The following DDX50 variants were observed in gnomAD, a reference collection of about 807,000 sequenced individuals.
DDX50 encodes DExD-box helicase 50.
A neutral mutation model predicts 94.8 loss-of-function variants in DDX50; 56 were observed. The observed-to-expected ratio is 0.59, with a 90% CI of 0.48 to 0.74. The LOEUF (loss-of-function observed/expected upper bound fraction) is 0.74, where lower values mean the gene tolerates loss of function less well. Among genes scored for constraint, DDX50 ranks in the 30% least tolerant of loss-of-function variants. DDX50 has a pLI of 0.00. For missense variants in DDX50, 713 were observed against 881.2 expected, an observed-to-expected ratio of 0.81 and a Z score of 2.42; for synonymous variants, 264 against 295.4, an observed-to-expected ratio of 0.89 and a Z score of 1.09.
At chr10:68,945,186 C>CT (rs985956524) in intron 14 of DDX50, among the ~76,000 whole-genome samples, 26 of 150,890 alleles carry the variant, frequency 1.7e-4, no homozygotes, top group Admixed American at 2.0e-4. Context: ...AGGTTTGTGC[C>CT]TTTTTTTTTA....
At chr10:68,920,006 C>A in intron 8 of DDX50, 25 bp downstream of exon 8, 1 of 1,612,320 alleles carries the variant, frequency 6.2e-7, no homozygotes, top group South Asian at 1.1e-5. Flanking sequence ...CATGCTTTCT[C>A]TAATTGAAAT....
At chr10:68,936,783 G>A (rs1842432023) in intron 11 of DDX50, among the ~76,000 whole-genome samples, 153 bp from the exon 12 acceptor site, 2 of 151,688 alleles carry the variant, frequency 1.3e-5, no homozygotes, top group South Asian at 4.2e-4. Flanking sequence ...TGAGGCTGCA[G>A]TGAGCCAAGA....
intron 1 of DDX50, among the ~76,000 whole-genome samples, chr10:68,904,491 T>TA (rs1363977218): frequency 6.6e-6 from 1 of 152,162 alleles, no homozygotes; most frequent in Non-Finnish European, 1.5e-5. Context: ...AGAGAACAGA[T>TA]ACTCAAGGAG....
intron 7 of DDX50, among the ~76,000 whole-genome samples, chr10:68,917,593 T>G (rs956895186): frequency 1.3e-5 from 2 of 152,154 alleles, no homozygotes; most frequent in East Asian, 3.8e-4. Flanking sequence ...GTTTTCTTGT[T>G]TGTTCGTGTT....
rs187832344 is a variant in DDX50, at chr10:68,925,253, G to A, written c.1239+5272G>A. 5.5e-3 allele frequency among the ~76,000 whole-genome samples: 841 copies of A among 151,662 alleles called. 14 individuals are homozygous for A. The highest frequency in any genetic ancestry group is 0.019 in the African/African-American group (791 of 41,376). ...CAAGTAGCTGGGATGGCAGGCATGC[G>A]CCACCATGCCCAACTAATTTTTTTT... On this transcript the variant is annotated intron_variant, in intron 8 of 14. Transcript: ENST00000373585.
At position 68,936,855 on chromosome 10, in the gene DDX50, A is replaced by G. The variant is rs1021463143; in HGVS notation, c.1596-81A>G. 40 of 1,349,532 alleles carry G rather than the reference A, an allele frequency of 3.0e-5. No individual in the cohort carries two copies. The Admixed American group carries it at 7.9e-4, about 26-fold the overall frequency. The allele number at this position is 1,349,532 out of a possible 1,614,324, so 83.6% of individuals were successfully genotyped here. On this transcript the variant is annotated intron_variant, in intron 11 of 14. Transcript: ENST00000373585. Reference sequence around the variant, plus strand: ...GGCTCTATCTCAAAAAAAAAAAATTACTCCTTCTTTTTCCCATTTTTCTTC... The same window carrying G: ...GGCTCTATCTCAAAAAAAAAAAATTGCTCCTTCTTTTTCCCATTTTTCTTC...
rs752888119 is a variant in DDX50 at position 68,925,094 on chromosome 10, G to GTTTT, written c.1239+5113_1239+5114insTTTT. On this transcript the variant is annotated intron_variant, in intron 8 of 14. Transcript: ENST00000373585. ...ACAAGAATTATCCTTCCCTGCTCAT[G>GTTTT]GTTTTTTTTTTTTTTTTTTTTTTTT... Among the ~76,000 whole-genome samples the GTTTT allele has an allele frequency of 1.8e-3, 164 of 88,988 alleles. 7 individuals are homozygous for GTTTT. The highest frequency in any genetic ancestry group is 6.1e-3 in the African/African-American group (154 of 25,244). 58.4% of individuals were successfully genotyped at this position (88,988 alleles called of 152,430 possible).
intron 8 of DDX50, among the ~76,000 whole-genome samples, chr10:68,930,674 G>A (rs553056992): frequency 2.0e-5 from 3 of 152,068 alleles, no homozygotes; most frequent in East Asian, 3.9e-4. Context: ...TTGGGGGTGG[G>A]GAGACAGGGT....
Position 68,936,936 on chromosome 10 carries a change from G to A in DDX50, c.1596G>A (p.Arg532=). The change falls in exon 12 of 15, where the codon AGG becomes AGA. Residue 532 remains arginine (R), a splice_region_variant and synonymous_variant. Coordinates refer to ENST00000373585, the MANE Select transcript of DDX50 (RefSeq NM_024045.2). ...LVKSKSMDAI[R]SLASVSYAAV... is the part of the protein sequence containing the mutation. ...CAAGAATACTATTTTTAAACCATAG[G>A]TCTCTGGCTTCCGTTTCTTACGCTG... 3 of 1,595,124 alleles carry A rather than the reference G, an allele frequency of 1.9e-6. No individual in the cohort carries two copies. The highest frequency in any genetic ancestry group is 1.3e-5 in the African/African-American group (1 of 74,258).
At chr10:68,917,635 C>A (rs116930700) in intron 7 of DDX50, among the ~76,000 whole-genome samples, 1 of 152,148 alleles carries the variant, frequency 6.6e-6, no homozygotes. Flanking sequence ...GAGTCTTGCT[C>A]TGTCGCCCCG....
intron 7 of DDX50, among the ~76,000 whole-genome samples, chr10:68,919,176 T>C (rs879125533): frequency 2.0e-5 from 3 of 152,214 alleles, no homozygotes; most frequent in Admixed American, 6.5e-5. Context: ...TCAGAACATA[T>C]CCCTGTCATG....
intron 11 of DDX50, among the ~76,000 whole-genome samples, chr10:68,936,503 AAAAAAAAAAAAAATATAT>A (rs1345333713): frequency 1.1e-3 from 53 of 47,032 alleles, no homozygotes; most frequent in Non-Finnish European, 1.7e-3. Context: ...AAAAAAAAAA[AAAAAAAAAAAAAATATAT>A]ATATATATAT....
At position 68,905,002 on chromosome 10, in the gene DDX50, A is replaced by C. The variant is rs542559876; in HGVS notation, c.88-1709A>C. On this transcript the variant is annotated intron_variant, in intron 1 of 14. Transcript: ENST00000373585. Reference sequence around the variant, plus strand: ...GTTTTTACTATCACTAATTACTGCTATCTATTTTGAATATTTGACCAGGTA... The same window carrying C: ...GTTTTTACTATCACTAATTACTGCTCTCTATTTTGAATATTTGACCAGGTA... 3.3e-5 allele frequency among the ~76,000 whole-genome samples: 5 copies of C among 152,352 alleles called. No individual in the cohort carries two copies. The South Asian group carries it at 1.0e-3, about 32-fold the overall frequency.
intron 13 of DDX50, among the ~76,000 whole-genome samples, chr10:68,942,350 T>C (rs1842573720): frequency 6.6e-6 from 1 of 152,206 alleles, no homozygotes; most frequent in Non-Finnish European, 1.5e-5. Context: ...TAGCTTGGAA[T>C]TTATTAACTA....
rs1172950528 is a variant in DDX50, at chr10:68,911,153, G to A, written c.546G>A (p.Arg182=). 6.2e-6 allele frequency: 10 copies of A among 1,612,726 alleles called. No individual in the cohort carries two copies. Among genetic ancestry groups the A allele is most frequent in the Non-Finnish European group, 8.5e-6 (10 of 1,179,442 alleles). The change falls in exon 4 of 15, where the codon CGG becomes CGA. Residue 182 remains arginine, a synonymous_variant. Transcript: ENST00000373585. ...GAAAAGATTTAATAGCTCAAGCACG[G>A]ACAGGAACAGGAAAGACATTCTCTT... The part of the protein sequence containing the change: ...YEGKDLIAQA[R]TGTGKTFSFA...
intron 7 of DDX50, 88 bp from the exon 8 acceptor site, chr10:68,919,744 T>TCA (rs1841894116): frequency 6.5e-7 from 1 of 1,527,106 alleles, no homozygotes. Context: ...GGAAGGCTAA[T>TCA]TCTTGACCAG....
At position 68,932,170 on chromosome 10, in the gene DDX50, G is replaced by A. The variant is rs544293455; in HGVS notation, c.1240-2029G>A. Among the ~76,000 whole-genome samples, 2 of 152,276 alleles carry A rather than the reference G, an allele frequency of 1.3e-5. 1 individual carries two copies. The highest frequency in any genetic ancestry group is 4.2e-4 in the South Asian group (2 of 4,814). ...TGTTCTGGAACCAGGTATAATCCAG[G>A]CAGATAGCAAGTGCTCACTGAATTC... On this transcript the variant is annotated intron_variant, in intron 8 of 14. Transcript: ENST00000373585.
At position 68,913,228 on chromosome 10, in the gene DDX50, A is replaced by G. The variant is rs1419393423; in HGVS notation, c.706A>G (p.Arg236Gly). ...QVAKDFKDIT[R>G]KLSVACFYGG... ...AGCCAAAGACTTCAAAGATATAACTAGGAAACTCAGCGTGGCGTGTTTTTA... is the reference window on the plus strand; with the variant it reads ...AGCCAAAGACTTCAAAGATATAACTGGGAAACTCAGCGTGGCGTGTTTTTA... Residue 236 changes from arginine (R) to glycine (G), a missense_variant, in exon 5 of 15, where the codon AGG (arginine) becomes GGG (glycine). Around this residue, in one of 2 missense-constraint regions of DDX50, gnomAD observed 285 missense variants for 278.9 expected, o/e 1.02. Transcript: ENST00000373585. The G allele has an allele frequency of 1.2e-6, 2 of 1,613,480 alleles. No individual in the cohort carries two copies. The highest frequency in any genetic ancestry group is 1.3e-5 in the African/African-American group (1 of 74,928).
intron 8 of DDX50, among the ~76,000 whole-genome samples, chr10:68,920,470 T>C (rs763891294): frequency 6.6e-5 from 10 of 152,048 alleles, no homozygotes; most frequent in Non-Finnish European, 8.8e-5. Flanking sequence ...CTGACCTCTA[T>C]CAGATTTTAT....
Sources: allele counts gnomAD v4.1 joint callset (sites outside exome capture counted in the v4.1 genomes callset), GRCh38; gene constraint gnomAD v4.1.1; regional missense constraint gnomAD v4.1.1; transcripts MANE v1.5; gene names NCBI Gene and HGNC (gene_info 2026-07-23, HGNC 2026-07-21).